PCDHGA2: variants seen among roughly 807,000 people sequenced by gnomAD.
PCDHGA2 encodes protocadherin gamma-A2.
In PCDHGA2, 40 loss-of-function variants were observed where a neutral mutation model predicts 59.2. The ratio of observed to expected loss-of-function variants is 0.68; its 90% confidence interval spans 0.52 to 0.88. PCDHGA2 has a LOEUF of 0.88. PCDHGA2 is among the 40% of genes least tolerant of loss of function. PCDHGA2 has a pLI of 0.00. For synonymous variants in PCDHGA2, 560 were observed against 526.0 expected, an observed-to-expected ratio of 1.06 and a Z score of -0.89; for missense variants, 1,226 against 1,204.0, an observed-to-expected ratio of 1.02 and a Z score of -0.27.
chr5:141,410,234 CG>C, intron 1 of PCDHGA2: 1 of 1,613,984 alleles, frequency 6.2e-7, no homozygotes, highest in Non-Finnish European at 8.5e-7. Context: ...CCTCAGCGAC[CG>C]CCCTGTACTC....
intron 1 of PCDHGA2, chr5:141,346,643 G>A (rs932288784): frequency 2.4e-6 from 2 of 850,414 alleles, no homozygotes; most frequent in Admixed American, 5.9e-5. Flanking sequence ...TTATGGTTGA[G>A]TGGGCTTAGG....
At chr5:141,417,706 A>T in intron 1 of PCDHGA2, 1 of 1,214,910 alleles carries the variant, frequency 8.2e-7, no homozygotes, top group Non-Finnish European at 1.1e-6. Flanking sequence ...TCCCACACAG[A>T]GGCTCCCGGC....
At chr5:141,364,421 A>AT in intron 1 of PCDHGA2, 1 of 1,613,602 alleles carries the variant, frequency 6.2e-7, no homozygotes, top group South Asian at 1.1e-5. Context: ...ATCCGGGCAG[A>AT]TCCGCTACTC....
At chr5:141,475,218 A>G (rs2154572291) in intron 1 of PCDHGA2, among the ~76,000 whole-genome samples, 1 of 152,326 alleles carries the variant, frequency 6.6e-6, no homozygotes, top group African/African-American at 2.4e-5. Flanking sequence ...GGATTGATCA[A>G]GTAAAGGGAA....
At chr5:141,352,556 C>G in intron 1 of PCDHGA2, 1 of 1,613,980 alleles carries the variant, frequency 6.2e-7, no homozygotes, top group Non-Finnish European at 8.5e-7. Context: ...TTCTCTCAAC[C>G]TGACACCGGA....
intron 1 of PCDHGA2, chr5:141,352,669 C>T (rs756977674): frequency 2.5e-5 from 39 of 1,582,668 alleles, no homozygotes; most frequent in Non-Finnish European, 3.1e-5. Flanking sequence ...TGTCTTCGCA[C>T]GTGAGTTTCT....
rs779173739 is a variant in PCDHGA2, at chr5:141,340,991, G to C, written c.2020G>C (p.Asp674His). ...VADRIPDILADLGSLEPSAIP... is the reference protein window; with the variant it reads ...VADRIPDILAHLGSLEPSAIP... ...CGACAGGATCCCCGACATCCTGGCC[G>C]ACCTGGGCAGCCTCGAGCCCTCCGC... The change falls in exon 1 of 4, where the codon GAC (aspartate) becomes CAC (histidine). Residue 674 changes from aspartate to histidine, a missense_variant. By Grantham distance (81) the Asp-to-His change is moderately conservative. Coordinates refer to ENST00000394576, the MANE Select transcript of PCDHGA2 (RefSeq NM_018915.4). 22 of 1,614,112 alleles carry C rather than the reference G, an allele frequency of 1.4e-5. No homozygotes were observed. The highest frequency in any genetic ancestry group is 1.7e-5 in the Non-Finnish European group (20 of 1,179,996).
chr5:141,427,971 C>T (rs764145525), intron 1 of PCDHGA2: 1 of 1,593,512 alleles, frequency 6.3e-7, no homozygotes, highest in African/African-American at 1.3e-5. Flanking sequence ...GGTGCTGTAC[C>T]CCGCGCTGGG....
intron 1 of PCDHGA2, chr5:141,413,478 T>C (rs755324008): frequency 6.2e-7 from 1 of 1,614,074 alleles, no homozygotes; most frequent in East Asian, 2.2e-5. Flanking sequence ...AGCTCTGCGC[T>C]CAGAGCGCGC....
intron 1 of PCDHGA2, among the ~76,000 whole-genome samples, chr5:141,438,623 TATATATATATATACACACAC>T (rs1272037524): frequency 7.0e-5 from 3 of 42,840 alleles, no homozygotes; most frequent in African/African-American, 1.6e-4. Flanking sequence ...TATATATATA[TATATATATATATACACACAC>T]ACACACACAT....
intron 1 of PCDHGA2, among the ~76,000 whole-genome samples, chr5:141,434,831 A>T (rs1328843764): frequency 6.6e-6 from 1 of 151,904 alleles, no homozygotes; most frequent in East Asian, 1.9e-4. Flanking sequence ...TACACTTGGC[A>T]TTTATAAAGC....
chr5:141,400,311 T>A, intron 1 of PCDHGA2: 1 of 1,614,098 alleles, frequency 6.2e-7, no homozygotes, highest in Non-Finnish European at 8.5e-7. Flanking sequence ...CTGGTCTCTG[T>A]GTCAAGTCTG....
intron 1 of PCDHGA2, chr5:141,419,386 G>T: frequency 2.5e-6 from 4 of 1,613,650 alleles, no homozygotes; most frequent in Non-Finnish European, 3.4e-6. Context: ...CCGTGAGCGC[G>T]CAGAGCGGGG....
intron 1 of PCDHGA2, among the ~76,000 whole-genome samples, chr5:141,465,119 A>T (rs2099097382): frequency 6.6e-6 from 1 of 151,780 alleles, no homozygotes; most frequent in Non-Finnish European, 1.5e-5. Flanking sequence ...GTTTTAGCCT[A>T]AATTTGTAAA....
intron 1 of PCDHGA2, among the ~76,000 whole-genome samples, chr5:141,437,976 T>G (rs1182220385): frequency 1.3e-5 from 2 of 152,096 alleles, no homozygotes; most frequent in Non-Finnish European, 2.9e-5. Flanking sequence ...GATCTTGGGA[T>G]GCACCCACCC....
At chr5:141,345,804 G>A (rs1561490892) in intron 1 of PCDHGA2, 2 of 1,613,960 alleles carry the variant, frequency 1.2e-6, no homozygotes, top group Non-Finnish European at 1.7e-6. Flanking sequence ...GGTGACCAAG[G>A]TGGTGGCGGT....
Position 141,413,494 on chromosome 5 carries a change from G to T in PCDHGA2, c.2424+72099G>T, listed in dbSNP as rs778441176. On this transcript the variant is annotated intron_variant, in intron 1 of 3. Transcript: ENST00000394576. ...GCTCTGCGCTCAGAGCGCGCGGTGCGTGGTGAGTTTTAATATCCTTGTGGA... is the reference window on the plus strand; with the variant it reads ...GCTCTGCGCTCAGAGCGCGCGGTGCTTGGTGAGTTTTAATATCCTTGTGGA... The T allele has an allele frequency of 5.0e-6, 8 of 1,614,042 alleles. No individual in the cohort carries two copies. The East Asian group carries it at 1.3e-4, about 27-fold the overall frequency.
intron 1 of PCDHGA2, chr5:141,370,262 T>G (rs1766779263): frequency 2.7e-6 from 2 of 752,044 alleles, no homozygotes; most frequent in Non-Finnish European, 4.2e-6. Flanking sequence ...TCAGGCTTCC[T>G]GCAGCGGAGA....
intron 1 of PCDHGA2, chr5:141,441,516 C>T (rs1034274864): frequency 4.0e-5 from 7 of 173,082 alleles, no homozygotes; most frequent in Non-Finnish European, 8.7e-5. Flanking sequence ...ACGTCGTCCA[C>T]GTGGCCAAGA....
Sources: gnomAD v4.1 joint callset for allele counts (sites outside exome capture counted in the v4.1 genomes callset) on GRCh38, gnomAD v4.1.1 for gene constraint, MANE v1.5 for transcripts, NCBI Gene and HGNC (gene_info 2026-07-23, HGNC 2026-07-21) for gene names.